The following GSE1 variants were observed in gnomAD, a reference collection of about 807,000 sequenced individuals.
GSE1 encodes genetic suppressor element 1.
A neutral mutation model predicts 112.6 loss-of-function variants in GSE1; 32 were observed. The observed-to-expected ratio is 0.28, with a 90% CI of 0.21 to 0.38. GSE1 has a LOEUF of 0.38. Among genes scored for constraint, GSE1 ranks in the 10% least tolerant of loss-of-function variants. The probability of loss-of-function intolerance (pLI) is 1.00; values close to 1 mark genes in which losing one functional copy is unlikely to be tolerated. For synonymous variants in GSE1, 1,115 were observed against 735.6 expected (o/e 1.52, Z -8.35); for missense variants, 2,348 against 1,699.2 (o/e 1.38, Z -6.71).
At chr16:85,638,620 C>T (rs1408095388) in intron 2 of GSE1, among the ~76,000 whole-genome samples, 1 of 152,028 alleles carries the variant, frequency 6.6e-6, no homozygotes, top group African/African-American at 2.4e-5. Context: ...GCATGAGTGT[C>T]AATGCAGCAG....
chr16:85,671,281 A>C (rs1165048392), intron 15 of GSE1, among the ~76,000 whole-genome samples, 183 bp downstream of exon 15: 3 of 151,810 alleles, frequency 2.0e-5, no homozygotes, highest in Non-Finnish European at 2.9e-5. Context: ...TCTACTAAAA[A>C]TACAAAAAAT....
intron 1 of GSE1, among the ~76,000 whole-genome samples, chr16:85,185,860 G>C (rs540164868): frequency 6.6e-6 from 1 of 152,360 alleles, no homozygotes; most frequent in South Asian, 2.1e-4. Flanking sequence ...GGGCCCTGCG[G>C]GGGCTGGGAG....
chr16:85,660,359 G>C (rs1166391039), intron 8 of GSE1, among the ~76,000 whole-genome samples: 1 of 152,182 alleles, frequency 6.6e-6, no homozygotes. Flanking sequence ...TTGGAGGGCC[G>C]GGCACAGTGG....
chr16:85,257,330 C>T (rs184007790), intron 1 of GSE1, among the ~76,000 whole-genome samples: 359 of 152,220 alleles, frequency 2.4e-3, no homozygotes, highest in African/African-American at 8.0e-3. Context: ...AGGCTGGTCT[C>T]GAACTCTTAA....
chr16:85,296,271 G>A (rs1259106197), intron 1 of GSE1, among the ~76,000 whole-genome samples: 2 of 152,118 alleles, frequency 1.3e-5, no homozygotes, highest in African/African-American at 2.4e-5. Flanking sequence ...GTGTGAGCAC[G>A]GACACCCAGG....
At chr16:85,471,565 C>G (rs964651093) in intron 2 of GSE1, among the ~76,000 whole-genome samples, 3 of 152,096 alleles carry the variant, frequency 2.0e-5, no homozygotes, top group African/African-American at 7.2e-5. Flanking sequence ...AGGCACACCA[C>G]CATGCCCAGA....
chr16:85,420,884 G>C (rs1597702995), intron 2 of GSE1, among the ~76,000 whole-genome samples: 1 of 152,092 alleles, frequency 6.6e-6, no homozygotes, highest in African/African-American at 2.4e-5. Flanking sequence ...CGCCCCTACC[G>C]GCTGCGGCGG....
intron 2 of GSE1, among the ~76,000 whole-genome samples, chr16:85,414,632 C>CTATT (rs1438527897): frequency 3.3e-5 from 5 of 152,014 alleles, no homozygotes; most frequent in African/African-American, 9.7e-5. Flanking sequence ...TGACTTTATT[C>CTATT]TAGTTATTTA....
chr16:85,656,096 G>T (rs536296787), intron 6 of GSE1, among the ~76,000 whole-genome samples, 179 bp downstream of exon 6: 1 of 152,284 alleles, frequency 6.6e-6, no homozygotes, highest in African/African-American at 2.4e-5. Flanking sequence ...CGCCTGTCTC[G>T]GTAGCCGTGG....
intron 1 of GSE1, among the ~76,000 whole-genome samples, chr16:85,558,967 C>G (rs2151277411): frequency 6.6e-6 from 1 of 152,278 alleles, no homozygotes. Context: ...AAGAGGTTCT[C>G]CTGCCTCAGC....
intron 1 of GSE1, among the ~76,000 whole-genome samples, chr16:85,567,019 C>T (rs1453357104): frequency 2.0e-5 from 3 of 151,994 alleles, no homozygotes; most frequent in Admixed American, 1.3e-4. Flanking sequence ...GGCCCAGGGA[C>T]AAGGTGTTAC....
At chr16:85,576,994 TCA>T (rs2046253636) in intron 1 of GSE1, among the ~76,000 whole-genome samples, 1 of 152,146 alleles carries the variant, frequency 6.6e-6, no homozygotes, top group South Asian at 2.1e-4. Flanking sequence ...GTCTTGATTA[TCA>T]CAGTCAGGAC....
chr16:85,194,382 A>T (rs1597770955), intron 1 of GSE1, among the ~76,000 whole-genome samples: 1 of 152,126 alleles, frequency 6.6e-6, no homozygotes, highest in South Asian at 2.1e-4. Flanking sequence ...CTGGTCTGGG[A>T]CTATTTCTTC....
In GSE1 at chr16:85,515,299, G is replaced by C. The variant is rs572642567; in HGVS notation, c.2465-118615G>C. On this transcript the variant is annotated intron_variant, in intron 2 of 2. Coordinates refer to the GSE1 transcript ENST00000637419. The stretch of plus-strand genomic sequence containing the variant: ...CCCGGAGGCAGTGCCCGGGGAGCCA[G>C]GAGGGGCCTGGTCTCAGCCCACGCT... 2.1e-3 allele frequency among the ~76,000 whole-genome samples: 315 copies of C among 152,380 alleles called. 2 individuals are homozygous for C. Among genetic ancestry groups the C allele is most frequent in the African/African-American group, 7.4e-3 (307 of 41,600 alleles).
intron 2 of GSE1, among the ~76,000 whole-genome samples, chr16:85,500,267 G>A (rs2051316250): frequency 6.6e-6 from 1 of 152,220 alleles, no homozygotes; most frequent in African/African-American, 2.4e-5. Flanking sequence ...GTGTTTTGTA[G>A]TTCACGTGGA....
At chr16:85,658,119 G>T (rs946938879) in intron 8 of GSE1, among the ~76,000 whole-genome samples, 1 of 152,170 alleles carries the variant, frequency 6.6e-6, no homozygotes. Context: ...AAACTGTGTG[G>T]TGGTCCCTTG....
chr16:85,199,724 T>C (rs1353292657), intron 1 of GSE1, among the ~76,000 whole-genome samples: 7 of 152,070 alleles, frequency 4.6e-5, no homozygotes, highest in Non-Finnish European at 7.4e-5. Flanking sequence ...AAGGATGACA[T>C]TGGGACATTC....
chr16:85,326,498 G>A (rs150806861), intron 1 of GSE1, among the ~76,000 whole-genome samples: 27 of 152,342 alleles, frequency 1.8e-4, no homozygotes, highest in Admixed American at 3.3e-4. Flanking sequence ...TCTTGGGGGC[G>A]TTTCCCCTAT....
chr16:85,657,277 A>G lies in GSE1; in HGVS notation c.1313A>G (p.Glu438Gly), dbSNP rs1443320988. The change falls in exon 8 of 16, where the codon GAG becomes GGG. Residue 438 changes from glutamate (E) to glycine (G), a missense_variant and splice_region_variant. Coordinates refer to ENST00000253458, the MANE Select transcript of GSE1 (RefSeq NM_014615.5). Reference protein sequence around the residue: ...PSEQLTPTRAEKLKDAGLQAP... With the variant: ...PSEQLTPTRAGKLKDAGLQAP... The stretch of plus-strand genomic sequence containing the variant: ...TGCTTGACCGTGTTTCCCCCCACAG[A>G]GAAGCTGAAGGATGCCGGCCTGCAG... 3.2e-6 allele frequency: 5 copies of G among 1,541,292 alleles called. No individual in the cohort carries two copies. The highest frequency in any genetic ancestry group is 4.4e-6 in the Non-Finnish European group (5 of 1,143,766).
Sources: gnomAD v4.1 joint callset for allele counts (sites outside exome capture counted in the v4.1 genomes callset) on GRCh38, gnomAD v4.1.1 for gene constraint, MANE v1.5 for transcripts, NCBI Gene and HGNC (gene_info 2026-07-23, HGNC 2026-07-21) for gene names.